The following DNAJC21 variants were observed in gnomAD, a reference collection of about 807,000 sequenced individuals.
DNAJC21 encodes the protein DnaJ heat shock protein family (Hsp40) member C21.
In DNAJC21, 63 loss-of-function variants were observed where a neutral mutation model predicts 72.4. The ratio of observed to expected loss-of-function variants is 0.87; its 90% CI spans 0.71 to 1.07. DNAJC21 has a LOEUF of 1.07. DNAJC21 is among the 50% of genes least tolerant of loss of function. The pLI is 0.00. For synonymous variants in DNAJC21, 203 were observed against 216.7 expected, an observed-to-expected ratio of 0.94 and a Z score of 0.56; for missense variants, 634 against 644.8, an observed-to-expected ratio of 0.98 and a Z score of 0.18.
At chr5:34,933,086 T>G (rs1764654527) in intron 1 of DNAJC21, among the ~76,000 whole-genome samples, 1 of 152,182 alleles carries the variant, frequency 6.6e-6, no homozygotes, top group Non-Finnish European at 1.5e-5. Flanking sequence ...TAGTGTATAT[T>G]TTTTAAACTT....
At chr5:34,951,589 G>A (rs1277966058) in intron 10 of DNAJC21, 81 of 977,048 alleles carry the variant, frequency 8.3e-5, no homozygotes, top group South Asian at 4.3e-4. Context: ...GTACAGTGGC[G>A]CAACCTCGGC....
intron 1 of DNAJC21, among the ~76,000 whole-genome samples, chr5:34,933,320 G>A (rs1483789273): frequency 6.6e-6 from 1 of 152,072 alleles, no homozygotes; most frequent in Admixed American, 6.6e-5. Flanking sequence ...GAGTCTTGCT[G>A]GAGCACAGTG....
chr5:34,933,748 G>C, intron 1 of DNAJC21, 67 bp from the exon 2 acceptor site: 1 of 1,344,816 alleles, frequency 7.4e-7, no homozygotes, highest in South Asian at 1.3e-5. Flanking sequence ...ATTTCTGATG[G>C]AAAATGTCTT....
chr5:34,930,175 C>T lies in DNAJC21; in HGVS notation c.97+259C>T, dbSNP rs143792643. On this transcript the variant is annotated intron_variant, in intron 1 of 11. Coordinates refer to ENST00000648817, the MANE Select transcript of DNAJC21 (RefSeq NM_001012339.3). The stretch of plus-strand genomic sequence containing the variant: ...CCGCATCGCCACTGTAGGGGGAAAA[C>T]TGCAGTCCAACAACCTCACTTGCTC... 730 of 275,930 alleles carry T rather than the reference C, an allele frequency of 2.6e-3. 3 individuals carry two copies. The highest frequency in any genetic ancestry group is 4.1e-3 in the Non-Finnish European group (588 of 144,510). The allele number at this position is 275,930 out of a possible 1,614,324, so 17.1% of individuals were successfully genotyped here.
Position 34,952,216 on chromosome 5 carries a change from T to C in DNAJC21, c.1359-1710T>C, listed in dbSNP as rs978965902. 4.1e-6 allele frequency: 4 copies of C among 985,264 alleles called. No homozygotes were observed. In the East Asian group the frequency reaches 4.5e-4, roughly 112 times the overall value. The allele number at this position is 985,264 out of a possible 1,614,324, so 61.0% of individuals were successfully genotyped here. Reference sequence around the variant, plus strand: ...AGAGATGTAACTGTCTTTCATAATATAAGTGATGTTTGCCAGGAATATTAT... The same window carrying C: ...AGAGATGTAACTGTCTTTCATAATACAAGTGATGTTTGCCAGGAATATTAT... On this transcript the variant is annotated intron_variant, in intron 10 of 11. Transcript: ENST00000648817.
intron 10 of DNAJC21, chr5:34,951,085 G>T: frequency 1.0e-6 from 1 of 985,560 alleles, no homozygotes; most frequent in Non-Finnish European, 1.2e-6. Flanking sequence ...ATGGGGTGGG[G>T]AGTGTGTGTA....
In DNAJC21 at chr5:34,950,647, A is replaced by G. The variant is rs773252409; in HGVS notation, c.1358+305A>G. On this transcript the variant is annotated intron_variant, in intron 10 of 11. Coordinates refer to ENST00000648817, the MANE Select transcript of DNAJC21 (RefSeq NM_001012339.3). ...GCTGATTTTGTCGTGGATCATTAACACTTGACACTCACATGAGAACAAGAC... is the reference window on the plus strand; with the variant it reads ...GCTGATTTTGTCGTGGATCATTAACGCTTGACACTCACATGAGAACAAGAC... The G allele has an allele frequency of 7.8e-6, 8 of 1,025,720 alleles. No individual in the cohort carries two copies. In the African/African-American group the frequency reaches 1.0e-4, roughly 13 times the overall value. The allele number at this position is 1,025,720 out of a possible 1,614,324, so 63.5% of individuals were successfully genotyped here. A position where few individuals can be genotyped will look rare whatever the true frequency, so the allele number is the denominator to read the frequency against.
chr5:34,936,844 G>A (rs1287134631), intron 4 of DNAJC21, among the ~76,000 whole-genome samples: 1 of 151,984 alleles, frequency 6.6e-6, no homozygotes, highest in African/African-American at 2.4e-5. Context: ...TCAGCCTCCC[G>A]GGTTCAAGCG....
chr5:34,934,491 A>G (rs1561180949), intron 2 of DNAJC21, among the ~76,000 whole-genome samples: 3 of 151,860 alleles, frequency 2.0e-5, no homozygotes, highest in African/African-American at 7.3e-5. Context: ...TTGACCTCCC[A>G]AAGTGCTAGG....
At chr5:34,942,076 C>T (rs781644182) in intron 7 of DNAJC21, among the ~76,000 whole-genome samples, 4 of 152,082 alleles carry the variant, frequency 2.6e-5, no homozygotes, top group Non-Finnish European at 4.4e-5. Flanking sequence ...CATGCACTGT[C>T]TCCAGAAGCA....
intron 1 of DNAJC21, among the ~76,000 whole-genome samples, chr5:34,932,585 C>G (rs928715425): frequency 8.5e-5 from 13 of 152,154 alleles, no homozygotes; most frequent in African/African-American, 3.1e-4. Flanking sequence ...ATATGGACTC[C>G]CACAGTTTCT....
chr5:34,946,903 A>G (rs977506325), intron 9 of DNAJC21, among the ~76,000 whole-genome samples: 3 of 152,164 alleles, frequency 2.0e-5, no homozygotes, highest in African/African-American at 7.2e-5. Flanking sequence ...AAATGCTTCA[A>G]ATGAACACCC....
intron 6 of DNAJC21, among the ~76,000 whole-genome samples, chr5:34,940,720 T>C (rs971550295): frequency 6.6e-6 from 1 of 152,204 alleles, no homozygotes; most frequent in Non-Finnish European, 1.5e-5. Flanking sequence ...TATTTAAGAG[T>C]AAGTCACAGT....
intron 9 of DNAJC21, among the ~76,000 whole-genome samples, chr5:34,948,003 T>G (rs1004163796): frequency 3.9e-5 from 6 of 152,162 alleles, no homozygotes; most frequent in African/African-American, 1.4e-4. Flanking sequence ...GTAGGTTGTA[T>G]TGACATCTTA....
At chr5:34,949,481 GATA>G in intron 9 of DNAJC21, 4 of 1,547,994 alleles carry the variant, frequency 2.6e-6, no homozygotes, top group Non-Finnish European at 3.5e-6. Flanking sequence ...TTGTGTAACA[GATA>G]ATATTAGCAT....
At position 34,941,076 on chromosome 5, in the gene DNAJC21, T is replaced by G. The variant is rs1245052509; in HGVS notation, c.896-20T>G. On this transcript the variant is annotated intron_variant, in intron 6 of 11. Transcript: ENST00000648817. Reference sequence around the variant, plus strand: ...TGCTCTGATCAAAGAGGGTTCTTACTGTAGGCTTCCCTGTCATAGGTAAAG... The same window carrying G: ...TGCTCTGATCAAAGAGGGTTCTTACGGTAGGCTTCCCTGTCATAGGTAAAG... 1.9e-6 allele frequency: 3 copies of G among 1,606,486 alleles called. No homozygotes were observed. The highest frequency in any genetic ancestry group is 2.6e-6 in the Non-Finnish European group (3 of 1,173,492).
chr5:34,938,558 C>T (rs1016595734), intron 5 of DNAJC21, among the ~76,000 whole-genome samples: 10 of 152,218 alleles, frequency 6.6e-5, no homozygotes. Context: ...CCACCCTCAT[C>T]TTTTGAAAAT....
rs76843048 is a variant in DNAJC21 at position 34,933,580 on chromosome 5, A to G, written c.98-235A>G. ...GGGCGTGAGCCATCACGCCCAGCCC[A>G]GTTGACTGTTTAGTGATGTACCAAG... On this transcript the variant is annotated intron_variant, in intron 1 of 11. Transcript: ENST00000648817. 1.4e-3 allele frequency among the ~76,000 whole-genome samples: 207 copies of G among 152,260 alleles called. 1 individual carries two copies. The East Asian group carries it at 0.024, about 18-fold the overall frequency.
At chr5:34,936,415 C>A in intron 4 of DNAJC21, 149 bp downstream of exon 4, 1 of 916,236 alleles carries the variant, frequency 1.1e-6, no homozygotes, top group Non-Finnish European at 1.6e-6. Context: ...AACTCCTGGG[C>A]TTAAGCAATC....
Sources: gnomAD v4.1 joint callset for allele counts (sites outside exome capture counted in the v4.1 genomes callset) on GRCh38, gnomAD v4.1.1 for gene constraint, MANE v1.5 for transcripts, NCBI Gene and HGNC (gene_info 2026-07-23, HGNC 2026-07-21) for gene names.